The following KIF5C variants were observed in gnomAD, a reference collection of about 807,000 sequenced individuals.
The protein encoded by KIF5C is kinesin heavy chain isoform 5C.
KIF5C carries 18 observed loss-of-function variants against 125.2 expected under a neutral mutation model. That is an observed-to-expected ratio of 0.14 (90% CI 0.10 to 0.21). KIF5C has a LOEUF of 0.21. KIF5C is among the 10% of genes least tolerant of loss of function. The pLI is 1.00. For missense variants in KIF5C, 780 were observed against 1,183.8 expected, an observed-to-expected ratio of 0.66 and a Z score of 5.01; for synonymous variants, 405 against 434.0, an observed-to-expected ratio of 0.93 and a Z score of 0.83.
chr2:148,890,741 T>C (rs1469278050), intron 1 of KIF5C, among the ~76,000 whole-genome samples: 1 of 152,232 alleles, frequency 6.6e-6, no homozygotes, highest in Non-Finnish European at 1.5e-5. Context: ...AAATGTTGTG[T>C]CTTTTGACCT....
At position 148,912,852 on chromosome 2, in the gene KIF5C, A is replaced by C. The variant is rs1179333090; in HGVS notation, c.127-9285A>C. On this transcript the variant is annotated intron_variant, in intron 1 of 25. Coordinates refer to ENST00000435030, the MANE Select transcript of KIF5C (RefSeq NM_004522.3). ...CTTCTCCTGCATGACAACTGAGATG[A>C]TGTACCCTGGGATGCATGAGCCTTG... is the stretch of plus-strand genomic sequence containing the variant. 2.0e-5 allele frequency among the ~76,000 whole-genome samples: 3 copies of C among 152,180 alleles called. No homozygotes were observed. In the East Asian group the frequency reaches 5.8e-4, roughly 29 times the overall value.
intron 8 of KIF5C, among the ~76,000 whole-genome samples, chr2:148,948,356 CAAAAA>C (rs1158381843): frequency 1.3e-5 from 1 of 78,158 alleles, no homozygotes; most frequent in African/African-American, 5.2e-5. Context: ...GACTCTGTCT[CAAAAA>C]AAAAAAAAAA....
intron 14 of KIF5C, among the ~76,000 whole-genome samples, chr2:148,982,004 C>T (rs1681250366): frequency 6.6e-6 from 1 of 152,194 alleles, no homozygotes; most frequent in Non-Finnish European, 1.5e-5. Context: ...GCACTTAGCA[C>T]AGATCTGTGC....
intron 21 of KIF5C, among the ~76,000 whole-genome samples, chr2:149,003,966 A>G (rs1681931139): frequency 2.0e-5 from 3 of 152,216 alleles, no homozygotes; most frequent in Admixed American, 6.5e-5. Context: ...GCAGGTGTTA[A>G]GGAGCAGGGT....
In KIF5C at chr2:148,983,678, A is replaced by T; in HGVS notation, c.1628A>T (p.Gln543Leu). The change falls in exon 15 of 26, where the codon CAG becomes CTG. Residue 543 changes from glutamine (Q) to leucine (L), a missense_variant. By Grantham distance (113) the Gln-to-Leu change is moderately radical (BLOSUM62 -2). Around this residue, in one of 2 missense-constraint regions of KIF5C, gnomAD observed 573 missense variants for 742.6 expected, o/e 0.77. Transcript: ENST00000435030. ...LSQLQELSNH[Q>L]KKRATEILNL... ...CAGCTACAAGAGCTTAGCAACCACC[A>T]GAAGAAAAGGGCAACTGAGATCCTG... 6.2e-7 allele frequency: 1 copy of T among 1,611,744 alleles called. No homozygotes were observed. Among genetic ancestry groups the T allele is most frequent in the Non-Finnish European group, 8.5e-7 (1 of 1,178,430 alleles).
At chr2:148,944,401 G>A (rs1201403201) in intron 7 of KIF5C, among the ~76,000 whole-genome samples, 1 of 152,176 alleles carries the variant, frequency 6.6e-6, no homozygotes, top group East Asian at 1.9e-4. Context: ...GAATCATAAA[G>A]TGTTTGTCCT....
intron 17 of KIF5C, among the ~76,000 whole-genome samples, chr2:148,996,682 C>G (rs1040647370): frequency 2.6e-5 from 4 of 152,198 alleles, no homozygotes; most frequent in Non-Finnish European, 5.9e-5. Flanking sequence ...GCAGCCCTGC[C>G]CCAAACATGG....
rs112276457 is a variant in KIF5C at position 148,950,004 on chromosome 2, A to T, written c.819+61A>T. The T allele has an allele frequency of 1.5e-5, 23 of 1,552,290 alleles. No individual in the cohort carries two copies. In the African/African-American group the frequency reaches 1.8e-4, roughly 12 times the overall value. On this transcript the variant is annotated intron_variant, in intron 9 of 25. Transcript: ENST00000435030. ...ATGAGAAACCACCTTTTGGGGCCTCATAGTCCCTTTGCCACACACCCCAAA... is the reference window on the plus strand; with the variant it reads ...ATGAGAAACCACCTTTTGGGGCCTCTTAGTCCCTTTGCCACACACCCCAAA...
At chr2:148,909,185 A>T (rs1298790676) in intron 1 of KIF5C, among the ~76,000 whole-genome samples, 2 of 152,042 alleles carry the variant, frequency 1.3e-5, no homozygotes, top group Non-Finnish European at 2.9e-5. Flanking sequence ...CCATCACCCC[A>T]TTGTACCATT....
chr2:148,926,303 C>T (rs1412621765), intron 2 of KIF5C, among the ~76,000 whole-genome samples: 1 of 152,206 alleles, frequency 6.6e-6, no homozygotes, highest in East Asian at 1.9e-4. Context: ...GTTCATGCGG[C>T]TGCGGGATGG....
intron 2 of KIF5C, among the ~76,000 whole-genome samples, 181 bp from the exon 3 acceptor site, chr2:148,929,100 C>T (rs1234042685): frequency 2.0e-5 from 3 of 152,106 alleles, no homozygotes; most frequent in Non-Finnish European, 4.4e-5. Flanking sequence ...AATGTGAGTC[C>T]ATTTCTTTCC....
At chr2:148,895,731 A>G (rs1426679243) in intron 1 of KIF5C, among the ~76,000 whole-genome samples, 8 of 152,156 alleles carry the variant, frequency 5.3e-5, no homozygotes, top group Admixed American at 3.3e-4. Flanking sequence ...AGTTCTGGAA[A>G]TTGAAAGCCC....
At chr2:148,997,212 G>T in intron 17 of KIF5C, 52 bp from the exon 18 acceptor site, 9 of 1,565,554 alleles carry the variant, frequency 5.7e-6, no homozygotes, top group Non-Finnish European at 7.8e-6. Flanking sequence ...TTTGCTTTTG[G>T]GTGTGAGTCC....
chr2:148,936,054 A>G (rs917116374), intron 3 of KIF5C, among the ~76,000 whole-genome samples: 3 of 152,158 alleles, frequency 2.0e-5, no homozygotes, highest in Non-Finnish European at 2.9e-5. Flanking sequence ...CTGGGAAGCC[A>G]AGGTGGGTGG....
At chr2:148,883,186 C>G (rs932831779) in intron 1 of KIF5C, among the ~76,000 whole-genome samples, 1 of 151,970 alleles carries the variant, frequency 6.6e-6, no homozygotes, top group East Asian at 1.9e-4. Flanking sequence ...TTAGACCATG[C>G]AAAAAATCAT....
Position 148,978,750 on chromosome 2 carries a change from G to A in KIF5C, c.1294-172G>A, listed in dbSNP as rs60693991. Among the ~76,000 whole-genome samples the A allele has an allele frequency of 0.21, 31,291 of 152,102 alleles. 4,231 individuals are homozygous for A. Among genetic ancestry groups the A allele is most frequent in the African/African-American group, 0.38 (15,714 of 41,434 alleles). On this transcript the variant is annotated intron_variant, in intron 12 of 25. Coordinates refer to ENST00000435030, the MANE Select transcript of KIF5C (RefSeq NM_004522.3). The stretch of plus-strand genomic sequence containing the variant: ...TTCATCTGCTGAGAAAGGTGGGTGA[G>A]GAGGTATTTTAACTGAATGAGATCT...
chr2:149,017,430 A>G (rs1344434841), intron 25 of KIF5C, among the ~76,000 whole-genome samples: 1 of 152,208 alleles, frequency 6.6e-6, no homozygotes, highest in Non-Finnish European at 1.5e-5. Flanking sequence ...CCTCTCAGGC[A>G]GTGCTGAGTC....
chr2:148,880,796 T>C (rs1427269432), intron 1 of KIF5C, among the ~76,000 whole-genome samples: 2 of 152,118 alleles, frequency 1.3e-5, no homozygotes, highest in East Asian at 1.9e-4. Context: ...TGTGAAATCA[T>C]GGACTGAGGG....
intron 1 of KIF5C, among the ~76,000 whole-genome samples, chr2:148,914,131 T>G (rs1681451011): frequency 6.6e-6 from 1 of 152,088 alleles, no homozygotes; most frequent in Admixed American, 6.5e-5. Flanking sequence ...GCTTAGAAAA[T>G]ATAGGTAAAT....
Sources: gnomAD v4.1 joint callset for allele counts (sites outside exome capture counted in the v4.1 genomes callset) on GRCh38, gnomAD v4.1.1 for gene constraint, gnomAD v4.1.1 regional missense constraint, MANE v1.5 for transcripts, NCBI Gene and HGNC (gene_info 2026-07-23, HGNC 2026-07-21) for gene names.